IL1RAPL1: variants seen among roughly 807,000 people sequenced by gnomAD.
IL1RAPL1 encodes the protein interleukin 1 receptor accessory protein like 1.
Under a neutral mutation model 48.4 loss-of-function variants are expected in IL1RAPL1, and 3 were observed. The observed-to-expected ratio is 0.06, with a 90% confidence interval of 0.03 to 0.16. The LOEUF (loss-of-function observed/expected upper bound fraction) is 0.16, where lower values mean the gene tolerates loss of function less well. IL1RAPL1 is among the 10% of genes least tolerant of loss of function. The pLI is 1.00. For synonymous variants in IL1RAPL1, 185 were observed against 187.7 expected, an observed-to-expected ratio of 0.99 and a Z score of 0.12; for missense variants, 349 against 530.6, an observed-to-expected ratio of 0.66 and a Z score of 3.36.
At position 28,669,390 on chromosome X, in the gene IL1RAPL1, G is replaced by A. The variant is rs186642686; in HGVS notation, c.-25+81343G>A. Among the ~76,000 whole-genome samples, 122 of 110,061 alleles carry A rather than the reference G, an allele frequency of 1.1e-3. No individual in the cohort carries two copies. The Middle Eastern group carries it at 0.019, about 17-fold the overall frequency. ...TCTCAGCACTTTGGGAAGCTGAGGC[G>A]GGTGGATCACTTGATGTCAGGAGTT... On this transcript the variant is annotated intron_variant, in intron 1 of 10. Coordinates refer to ENST00000378993, the MANE Select transcript of IL1RAPL1 (RefSeq NM_014271.4).
At chrX:29,479,520 T>A (rs1176082024) in intron 5 of IL1RAPL1, among the ~76,000 whole-genome samples, 1 of 110,058 alleles carries the variant, frequency 9.1e-6, no homozygotes, top group Non-Finnish European at 1.9e-5. Context: ...TAGCAATTTA[T>A]TTATTTATTT....
At chrX:29,019,837 G>C (rs1926323512) in intron 2 of IL1RAPL1, among the ~76,000 whole-genome samples, 1 of 112,246 alleles carries the variant, frequency 8.9e-6, no homozygotes, top group Non-Finnish European at 1.9e-5. Flanking sequence ...AGTGGAGCAT[G>C]TCAGAATCTG....
chrX:28,640,027 T>C (rs1388019122), intron 1 of IL1RAPL1, among the ~76,000 whole-genome samples: 1 of 111,717 alleles, frequency 9.0e-6, no homozygotes, highest in Admixed American at 9.5e-5. Flanking sequence ...AGATCACTAA[T>C]TGTGTCCAGT....
intron 2 of IL1RAPL1, among the ~76,000 whole-genome samples, chrX:28,894,774 G>A (rs1475707855): frequency 9.0e-6 from 1 of 111,058 alleles, no homozygotes; most frequent in African/African-American, 3.3e-5. Flanking sequence ...TACAGGGTGC[G>A]GTCCTGGCTC....
rs186011565 is a variant in IL1RAPL1, at chrX:29,129,425, C to T, written c.83-153513C>T. Among the ~76,000 whole-genome samples, 104 of 110,678 alleles carry T rather than the reference C, an allele frequency of 9.4e-4. 1 individual carries two copies. The highest frequency in any genetic ancestry group is 3.3e-3 in the African/African-American group (101 of 30,489). On this transcript the variant is annotated intron_variant, in intron 2 of 10. Transcript: ENST00000378993. ...TTGATAGCAACCATAAATGCTTAAACTCACAATTTTTTGTTTTTATGTGTG... is the reference window on the plus strand; with the variant it reads ...TTGATAGCAACCATAAATGCTTAAATTCACAATTTTTTGTTTTTATGTGTG...
At chrX:28,973,163 A>G (rs765073795) in intron 2 of IL1RAPL1, among the ~76,000 whole-genome samples, 1 of 111,754 alleles carries the variant, frequency 8.9e-6, no homozygotes, top group African/African-American at 3.3e-5. Flanking sequence ...TCATTTTTGT[A>G]GTTATTTATT....
intron 5 of IL1RAPL1, among the ~76,000 whole-genome samples, chrX:29,582,306 G>A (rs1166997131): frequency 9.1e-6 from 1 of 109,691 alleles, no homozygotes; most frequent in Non-Finnish European, 1.9e-5. Context: ...TTAATTTTTG[G>A]TATACAAATA....
chrX:29,231,480 T>C (rs1271852020), intron 2 of IL1RAPL1, among the ~76,000 whole-genome samples: 1 of 112,156 alleles, frequency 8.9e-6, no homozygotes, highest in Non-Finnish European at 1.9e-5. Flanking sequence ...TGGTGTCTGT[T>C]GGTTGTTCTT....
At chrX:28,614,175 G>A (rs887671835) in intron 1 of IL1RAPL1, among the ~76,000 whole-genome samples, 11 of 81,394 alleles carry the variant, frequency 1.4e-4, no homozygotes, top group Non-Finnish European at 2.5e-4. Flanking sequence ...ATAAGCTTTC[G>A]TTCTTGTTTT....
At chrX:29,002,434 G>C (rs1359937856) in intron 2 of IL1RAPL1, among the ~76,000 whole-genome samples, 1 of 110,264 alleles carries the variant, frequency 9.1e-6, no homozygotes, top group African/African-American at 3.3e-5. Context: ...TCTAAGTACT[G>C]GTAATATTTC....
At chrX:29,507,826 C>T (rs1274374068) in intron 5 of IL1RAPL1, among the ~76,000 whole-genome samples, 1 of 111,111 alleles carries the variant, frequency 9.0e-6, no homozygotes, top group Non-Finnish European at 1.9e-5. Flanking sequence ...ATTGATAATA[C>T]TTATAATCTT....
Position 29,231,072 on chromosome X carries a change from A to G in IL1RAPL1, c.83-51866A>G, listed in dbSNP as rs755952344. Among the ~76,000 whole-genome samples the G allele has an allele frequency of 3.1e-4, 35 of 112,363 alleles. 1 individual carries two copies. The highest frequency in any genetic ancestry group is 2.9e-3 in the Admixed American group (31 of 10,611). ...TTCTGGTCTTAAGCAACAGACTTGA[A>G]TTTCACTACCTGGATTCTTCTCTTT... On this transcript the variant is annotated intron_variant, in intron 2 of 10. Transcript: ENST00000378993.
At chrX:28,615,342 G>A (rs1461463619) in intron 1 of IL1RAPL1, among the ~76,000 whole-genome samples, 1 of 105,856 alleles carries the variant, frequency 9.4e-6, no homozygotes, top group Non-Finnish European at 1.9e-5. Context: ...GTTAATAAGA[G>A]TTAGGTATTA....
intron 2 of IL1RAPL1, among the ~76,000 whole-genome samples, chrX:29,277,311 T>C (rs1932135259): frequency 1.8e-5 from 2 of 111,881 alleles, no homozygotes; most frequent in Admixed American, 9.5e-5. Flanking sequence ...TACTTTCTCA[T>C]GTCACTTCTA....
At chrX:29,802,934 TGTAC>T (rs1166377162) in intron 6 of IL1RAPL1, among the ~76,000 whole-genome samples, 143 of 62,663 alleles carry the variant, frequency 2.3e-3, no homozygotes, top group African/African-American at 7.9e-3. Flanking sequence ...TACATATATG[TGTAC>T]ATATGTATGC....
At chrX:29,802,906 T>TATATATGTGTACATATATAC (rs1476603182) in intron 6 of IL1RAPL1, among the ~76,000 whole-genome samples, 3 of 33,167 alleles carry the variant, frequency 9.0e-5, no homozygotes, top group African/African-American at 1.3e-4. Context: ...TATATATGTG[T>TATATATGTGTACATATATAC]ATATATGTGT....
In IL1RAPL1 at chrX:29,591,926, C is replaced by T. The variant is rs185938482; in HGVS notation, c.704-76504C>T. 2.9e-3 allele frequency among the ~76,000 whole-genome samples: 324 copies of T among 112,051 alleles called. 2 individuals are homozygous for T. The highest frequency in any genetic ancestry group is 9.3e-3 in the African/African-American group (287 of 30,838). On this transcript the variant is annotated intron_variant, in intron 5 of 10. Transcript: ENST00000378993. ...GGGATCTCCAACCCAAATCCTCTGACCTGCTATTGAATCTGGCTGGGCAGC... is the reference window on the plus strand; with the variant it reads ...GGGATCTCCAACCCAAATCCTCTGATCTGCTATTGAATCTGGCTGGGCAGC...
At chrX:29,862,341 A>T (rs1931605003) in intron 6 of IL1RAPL1, among the ~76,000 whole-genome samples, 1 of 111,466 alleles carries the variant, frequency 9.0e-6, no homozygotes, top group African/African-American at 3.3e-5. Flanking sequence ...GGTACCTCTC[A>T]CTTATTCTCA....
At chrX:29,139,085 C>G (rs1375157545) in intron 2 of IL1RAPL1, among the ~76,000 whole-genome samples, 2 of 111,710 alleles carry the variant, frequency 1.8e-5, no homozygotes, top group Admixed American at 9.6e-5. Context: ...CCATCTCTTG[C>G]AACCAGCTAC....
Sources: allele counts gnomAD v4.1 joint callset (sites outside exome capture counted in the v4.1 genomes callset), GRCh38; gene constraint gnomAD v4.1.1; transcripts MANE v1.5; gene names NCBI Gene and HGNC (gene_info 2026-07-23, HGNC 2026-07-21).